Variants in MYO1C observed in about 807,000 individuals in gnomAD.
MYO1C encodes the protein unconventional myosin-Ic.
Under a neutral mutation model 150.8 loss-of-function variants are expected in MYO1C, and 104 were observed. The observed-to-expected ratio is 0.69, with a 90% confidence interval of 0.59 to 0.81. The LOEUF (loss-of-function observed/expected upper bound fraction) is 0.81, where lower values mean the gene tolerates loss of function less well. Among genes scored for constraint, MYO1C ranks in the 30% least tolerant of loss-of-function variants. The pLI is 0.00. For synonymous variants in MYO1C, 663 were observed against 579.9 expected, an observed-to-expected ratio of 1.14 and a Z score of -2.06; for missense variants, 1,504 against 1,435.0, an observed-to-expected ratio of 1.05 and a Z score of -0.78.
chr17:1,483,846 C>A (rs934194642), intron 2 of MYO1C, 121 bp from the exon 3 acceptor site: 1 of 772,608 alleles, frequency 1.3e-6, no homozygotes, highest in Non-Finnish European at 2.2e-6. Context: ...GAGTTCAAGA[C>A]CAACCTGACC....
rs571152461 is a variant in MYO1C at position 1,471,487 on chromosome 17, T to A, written c.2022-151A>T. On this transcript the variant is annotated intron_variant, in intron 19 of 31. Coordinates refer to ENST00000648651, the MANE Select transcript of MYO1C (RefSeq NM_001080779.2). The stretch of plus-strand genomic sequence containing the variant: ...TCGGTCACTGCCCCCATTTTAAAGA[T>A]GAAGAAACCGTTCTTATCTACCTAA... 7.6e-4 allele frequency: 549 copies of A among 718,010 alleles called. 1 individual carries two copies. Among genetic ancestry groups the A allele is most frequent in the Non-Finnish European group, 1.2e-3 (471 of 403,104 alleles). 44.5% of individuals were successfully genotyped at this position (718,010 alleles called of 1,614,324 possible). A position where few individuals can be genotyped will look rare whatever the true frequency, so the allele number is the denominator to read the frequency against.
At chr17:1,483,761 G>A (rs765810333) in intron 2 of MYO1C, 36 bp from the exon 3 acceptor site, 29 of 1,523,728 alleles carry the variant, frequency 1.9e-5, no homozygotes, top group East Asian at 2.3e-5. Context: ...AGTTTATCCC[G>A]GGCCAGGTGC....
intron 24 of MYO1C, 32 bp downstream of exon 24, chr17:1,470,142 TG>T: frequency 6.3e-7 from 1 of 1,594,150 alleles, no homozygotes; most frequent in Non-Finnish European, 8.5e-7. Context: ...TGTACTATGA[TG>T]GTCCCTAACT....
At position 1,472,134 on chromosome 17, in the gene MYO1C, G is replaced by A; in HGVS notation, c.1892C>T (p.Ala631Val). 1 of 1,614,096 alleles carries A rather than the reference G, an allele frequency of 6.2e-7. No homozygotes were observed. The highest frequency in any genetic ancestry group is 8.5e-7 in the Non-Finnish European group (1 of 1,179,978). Residue 631 changes from alanine (A) to valine (V), a missense_variant, in exon 18 of 32, where the codon GCC becomes GTC. By Grantham distance (64) the Ala-to-Val change is moderately conservative. Transcript: ENST00000648651. ...TGGGAGGGGCCTACCGGGCTGTTTG[G>A]CATCATTGGGTTTGATGCAGCGGAC... ...AYVRCIKPND[A>V]KQPGRFDEVL...
At chr17:1,491,448 C>CG (rs1491196535) in intron 1 of MYO1C, among the ~76,000 whole-genome samples, 2 of 37,066 alleles carry the variant, frequency 5.4e-5, no homozygotes, top group African/African-American at 1.2e-4. Context: ...GGTCGTGGGA[C>CG]CCCCCCCCCC....
At position 1,485,425 on chromosome 17, in the gene MYO1C, C is replaced by G. The variant is rs966963137; in HGVS notation, c.76-1122G>C. The G allele has an allele frequency of 7.7e-6, 7 of 907,960 alleles. No individual in the cohort carries two copies. In the African/African-American group the frequency reaches 1.1e-4, roughly 14 times the overall value. 56.2% of individuals were successfully genotyped at this position (907,960 alleles called of 1,614,324 possible). On this transcript the variant is annotated intron_variant, in intron 1 of 31. Coordinates refer to ENST00000648651, the MANE Select transcript of MYO1C (RefSeq NM_001080779.2). ...CTCCAATCCCGCGCCGAAGCGGCTGCCAAATCCGGCCGCGGTCCCCGCCCC... is the reference window on the plus strand; with the variant it reads ...CTCCAATCCCGCGCCGAAGCGGCTGGCAAATCCGGCCGCGGTCCCCGCCCC...
intron 7 of MYO1C, among the ~76,000 whole-genome samples, chr17:1,480,019 G>A (rs959514939): frequency 2.0e-4 from 30 of 151,896 alleles, no homozygotes; most frequent in African/African-American, 7.0e-4. Flanking sequence ...GGTGGCAGGT[G>A]TCTGTAATCC....
At chr17:1,466,400 G>A (rs559140707) in intron 31 of MYO1C, among the ~76,000 whole-genome samples, 8 of 152,026 alleles carry the variant, frequency 5.3e-5, no homozygotes, top group African/African-American at 1.4e-4. Context: ...GCGCAATCTC[G>A]GCTCACCGCA....
rs1462077609 is a variant in MYO1C at position 1,470,835 on chromosome 17, T to C, written c.2213-146A>G. On this transcript the variant is annotated intron_variant, in intron 21 of 31. Transcript: ENST00000648651. ...GGAGAGTGGTGAAGAAGAATGAATG[T>C]GGGGACTGCCCGGAAAAGGGGGGCG... 7.4e-6 allele frequency: 5 copies of C among 677,708 alleles called. No homozygotes were observed. In the Admixed American group the frequency reaches 9.9e-5, roughly 13 times the overall value. 42.0% of individuals were successfully genotyped at this position (677,708 alleles called of 1,614,324 possible).
At chr17:1,491,458 C>CCCA (rs1266305109) in intron 1 of MYO1C, 1 of 200,136 alleles carries the variant, frequency 5.0e-6, no homozygotes, top group Non-Finnish European at 8.4e-6. Flanking sequence ...CCCCCCCCCC[C>CCCA]CGCACGGGTC....
intron 21 of MYO1C, 91 bp from the exon 22 acceptor site, chr17:1,470,780 G>A (rs1232230757): frequency 2.2e-6 from 3 of 1,352,604 alleles, no homozygotes; most frequent in East Asian, 2.4e-5. Context: ...GCATGAATGG[G>A]AGAGTGGCTG....
At chr17:1,470,026 C>CAAA in intron 24 of MYO1C, 149 bp downstream of exon 24, 1 of 741,120 alleles carries the variant, frequency 1.3e-6, no homozygotes, top group Non-Finnish European at 2.0e-6. Flanking sequence ...GACTCCATCT[C>CAAA]AAAAAAAAAA....
chr17:1,483,967 G>C (rs1365436403), intron 2 of MYO1C, among the ~76,000 whole-genome samples, 181 bp downstream of exon 2: 2 of 152,054 alleles, frequency 1.3e-5, no homozygotes, highest in South Asian at 2.1e-4. Context: ...GCTTGAACCC[G>C]GGGGGAGGAG....
chr17:1,491,993 C>A, intron 1 of MYO1C: 1 of 216,990 alleles, frequency 4.6e-6, no homozygotes, highest in Non-Finnish European at 9.5e-6. Context: ...TCTACCCACC[C>A]GTGACCCTTC....
chr17:1,484,114 C>G, intron 2 of MYO1C, 34 bp downstream of exon 2: 1 of 1,611,072 alleles, frequency 6.2e-7, no homozygotes, highest in Non-Finnish European at 8.5e-7. Flanking sequence ...TCTGTGACCC[C>G]AGCACCCCTG....
In MYO1C at chr17:1,480,603, G is replaced by A; in HGVS notation, c.830C>T (p.Ser277Phe). ...CTTCCAGTCACTCTTGTCGTTGATGGAGGAGACTTTGGCACACTGGCCCTG... is the reference window on the plus strand; with the variant it reads ...CTTCCAGTCACTCTTGTCGTTGATGAAGGAGACTTTGGCACACTGGCCCTG... ...LVKGQCAKVS[S>F]INDKSDWKVV... Residue 277 changes from serine (S) to phenylalanine (F), a missense_variant, in exon 7 of 32, where the codon TCC (serine) becomes TTC (phenylalanine). Transcript: ENST00000648651. 1 of 1,614,154 alleles carries A rather than the reference G, an allele frequency of 6.2e-7. No homozygotes were observed. Among genetic ancestry groups the A allele is most frequent in the Non-Finnish European group, 8.5e-7 (1 of 1,180,022 alleles).
At chr17:1,473,096 A>T (rs2074337220) in intron 17 of MYO1C, among the ~76,000 whole-genome samples, 1 of 152,172 alleles carries the variant, frequency 6.6e-6, no homozygotes, top group African/African-American at 2.4e-5. Flanking sequence ...GCTACTCGTG[A>T]GTGTGAAGTG....
chr17:1,477,265 A>G (rs2074418899), intron 14 of MYO1C: 1 of 552,046 alleles, frequency 1.8e-6, no homozygotes, highest in Non-Finnish European at 3.3e-6. Context: ...TGCAACCTCA[A>G]AACTCCAGGG....
Position 1,479,452 on chromosome 17 carries a change from C to G in MYO1C, c.1071G>C (p.Lys357Asn). 6.7e-7 allele frequency: 1 copy of G among 1,500,634 alleles called. No homozygotes were observed. Among genetic ancestry groups the G allele is most frequent in the Non-Finnish European group, 9.1e-7 (1 of 1,103,564 alleles). The allele number at this position is 1,500,634 out of a possible 1,614,324, so 93.0% of individuals were successfully genotyped here. A position where few individuals can be genotyped will look rare whatever the true frequency, so the allele number is the denominator to read the frequency against. Residue 357 changes from lysine (K) to asparagine (N), a missense_variant, in exon 9 of 32, where the codon AAG becomes AAC. Transcript: ENST00000648651. The surrounding 1 kb of genome is among the most constrained non-coding windows in gnomAD (Gnocchi z 4.2). Reference sequence around the variant, plus strand: ...TCACCTCCTCCCCCTTGGCGATGATCTTCCTGTGTGTCAGGGCTTCTCGCA... The same window carrying G: ...TCACCTCCTCCCCCTTGGCGATGATGTTCCTGTGTGTCAGGGCTTCTCGCA... Reference protein sequence around the residue: ...STLREALTHRKIIAKGEELLS... With the variant: ...STLREALTHRNIIAKGEELLS...
Sources: gnomAD v4.1 joint callset for allele counts (sites outside exome capture counted in the v4.1 genomes callset) on GRCh38, gnomAD v4.1.1 for gene constraint, Gnocchi (gnomAD v3.1) non-coding constraint, MANE v1.5 for transcripts, NCBI Gene and HGNC (gene_info 2026-07-23, HGNC 2026-07-21) for gene names.